The following PDE4D variants were observed in gnomAD, a reference collection of about 807,000 sequenced individuals.
PDE4D encodes 3',5'-cyclic-AMP phosphodiesterase 4D.
In PDE4D, 24 loss-of-function variants were observed where a neutral mutation model predicts 87.4. The observed-to-expected ratio is 0.27, with a 90% CI of 0.20 to 0.39. The LOEUF (loss-of-function observed/expected upper bound fraction) is 0.39, where lower values mean the gene tolerates loss of function less well. Ranked by LOEUF, PDE4D falls within the 10% of genes least tolerant of loss-of-function variation. PDE4D has a pLI of 1.00. For synonymous variants in PDE4D, 384 were observed against 383.2 expected, an observed-to-expected ratio of 1.00 and a Z score of -0.02; for missense variants, 714 against 1,041.0, an observed-to-expected ratio of 0.69 and a Z score of 4.32.
At chr5:60,345,446 T>TAAAA (rs1554019341) in intron 1 of PDE4D, among the ~76,000 whole-genome samples, 10 of 148,350 alleles carry the variant, frequency 6.7e-5, no homozygotes, top group Non-Finnish European at 1.5e-4. Flanking sequence ...TAAAGTATAA[T>TAAAA]AATAAATAAA....
intron 1 of PDE4D, among the ~76,000 whole-genome samples, chr5:60,311,490 T>C (rs1755037180): frequency 6.6e-6 from 1 of 152,150 alleles, no homozygotes; most frequent in Non-Finnish European, 1.5e-5. Context: ...AAAGGAGAAG[T>C]ATAATCTTTT....
At chr5:59,697,330 T>C (rs1221065594) in intron 1 of PDE4D, among the ~76,000 whole-genome samples, 2 of 152,188 alleles carry the variant, frequency 1.3e-5, no homozygotes, top group African/African-American at 4.8e-5. Flanking sequence ...ATAATTGTGT[T>C]AAATGCTATA....
At chr5:60,230,002 T>C (rs768262051) in intron 1 of PDE4D, among the ~76,000 whole-genome samples, 7 of 152,102 alleles carry the variant, frequency 4.6e-5, no homozygotes, top group Non-Finnish European at 1.0e-4. Flanking sequence ...TTTCACTCAA[T>C]CACATTAATT....
rs180703487 is a variant in PDE4D at position 60,419,342 on chromosome 5, T to A, written c.-90+68600A>T. ...ATATTAATATGTATAGCCTCCAAGA[T>A]ATGTCATTAAGTAGAAAAAAGACAA... On this transcript the variant is annotated intron_variant, in intron 1 of 16. Coordinates refer to the PDE4D transcript ENST00000502484. 2.6e-5 allele frequency among the ~76,000 whole-genome samples: 4 copies of A among 152,110 alleles called. No homozygotes were observed. The East Asian group carries it at 7.7e-4, about 29-fold the overall frequency.
At chr5:58,999,936 G>A (rs1750136332) in intron 6 of PDE4D, 2 of 985,398 alleles carry the variant, frequency 2.0e-6, no homozygotes, top group Non-Finnish European at 2.4e-6. Flanking sequence ...AGGAACTGCA[G>A]GGAAGCCGGG....
At chr5:59,398,751 A>T (rs1282792293) in intron 1 of PDE4D, among the ~76,000 whole-genome samples, 1 of 118,192 alleles carries the variant, frequency 8.5e-6, no homozygotes, top group Non-Finnish European at 1.8e-5. Context: ...CAGGAGAAGG[A>T]AATAAAGGGT....
At chr5:60,246,240 C>T (rs1009202895) in intron 1 of PDE4D, among the ~76,000 whole-genome samples, 1 of 151,544 alleles carries the variant, frequency 6.6e-6, no homozygotes, top group African/African-American at 2.4e-5. Flanking sequence ...TAAATATTTT[C>T]TAATTTTCAT....
At chr5:59,961,949 A>G (rs943272513) in intron 3 of PDE4D, among the ~76,000 whole-genome samples, 1 of 152,214 alleles carries the variant, frequency 6.6e-6, no homozygotes, top group Non-Finnish European at 1.5e-5. Flanking sequence ...AATTATCCCA[A>G]TATCAAGAAG....
chr5:59,742,157 A>C (rs566419391), intron 1 of PDE4D, among the ~76,000 whole-genome samples: 1 of 152,198 alleles, frequency 6.6e-6, no homozygotes, highest in East Asian at 1.9e-4. Flanking sequence ...TCCACCTCCC[A>C]GGTTCAAGCA....
At chr5:60,137,211 G>C (rs912380847) in intron 2 of PDE4D, among the ~76,000 whole-genome samples, 5 of 152,084 alleles carry the variant, frequency 3.3e-5, no homozygotes, top group African/African-American at 1.2e-4. Context: ...ATCTGTCATT[G>C]ATAGGCATTT....
At chr5:60,078,535 A>T (rs1773573536) in intron 2 of PDE4D, among the ~76,000 whole-genome samples, 1 of 151,344 alleles carries the variant, frequency 6.6e-6, no homozygotes, top group South Asian at 2.1e-4. Context: ...AGTTCCCTCC[A>T]CTCAATCCCC....
chr5:59,544,258 G>A (rs773642656), intron 1 of PDE4D, among the ~76,000 whole-genome samples: 9 of 152,164 alleles, frequency 5.9e-5, no homozygotes, highest in Non-Finnish European at 8.8e-5. Flanking sequence ...CCCAATTGAC[G>A]CTAGTTCTAC....
chr5:59,918,736 G>T (rs948269315), intron 3 of PDE4D, among the ~76,000 whole-genome samples: 1 of 152,090 alleles, frequency 6.6e-6, no homozygotes, highest in South Asian at 2.1e-4. Context: ...AAGAAGTTGC[G>T]ACCGTCAGTC....
Position 59,357,823 on chromosome 5 carries a change from G to T in PDE4D, c.456-141855C>A, listed in dbSNP as rs575320401. ...CGTCATCGGTCCTCACCACTGAGTG[G>T]TATTCAATGTTAACAATGCAGCATA... On this transcript the variant is annotated intron_variant, in intron 1 of 14. Transcript: ENST00000340635. 3.3e-5 allele frequency among the ~76,000 whole-genome samples: 5 copies of T among 152,282 alleles called. No homozygotes were observed. In the East Asian group the frequency reaches 5.8e-4, roughly 18 times the overall value.
intron 5 of PDE4D, chr5:59,039,577 T>G: frequency 2.1e-6 from 2 of 937,040 alleles, no homozygotes; most frequent in Non-Finnish European, 2.5e-6. Flanking sequence ...GCCGCAGCTT[T>G]CCGGGAACAC....
At chr5:60,302,158 G>A (rs1020605813) in intron 1 of PDE4D, among the ~76,000 whole-genome samples, 1 of 152,150 alleles carries the variant, frequency 6.6e-6, no homozygotes, top group East Asian at 1.9e-4. Context: ...TCTCTGCCAG[G>A]TTTTGGTATC....
chr5:58,987,748 T>C (rs901725588), intron 11 of PDE4D, among the ~76,000 whole-genome samples: 4 of 152,216 alleles, frequency 2.6e-5, no homozygotes, highest in Non-Finnish European at 5.9e-5. Context: ...ATTTATAATC[T>C]ACCATATGGG....
intron 1 of PDE4D, among the ~76,000 whole-genome samples, chr5:60,282,157 G>A (rs919670825): frequency 6.7e-6 from 1 of 148,856 alleles, no homozygotes; most frequent in Non-Finnish European, 1.5e-5. Flanking sequence ...CTGTGATACA[G>A]AAATTCATGT....
chr5:59,079,907 C>T (rs1349905887), intron 5 of PDE4D, among the ~76,000 whole-genome samples: 1 of 108,322 alleles, frequency 9.2e-6, no homozygotes. Context: ...GGGGCAGGGG[C>T]AAGGCAAGGA....
Sources: gnomAD v4.1 joint callset for allele counts (sites outside exome capture counted in the v4.1 genomes callset) on GRCh38, gnomAD v4.1.1 for gene constraint, MANE v1.5 for transcripts, NCBI Gene and HGNC (gene_info 2026-07-23, HGNC 2026-07-21) for gene names.